Variants in PAPSS2 observed in about 807,000 individuals in gnomAD.
PAPSS2 encodes 3'-phosphoadenosine 5'-phosphosulfate synthase 2, also known as bifunctional 3'-phosphoadenosine 5'-phosphosulfate synthase 2.
PAPSS2 carries 61 observed loss-of-function variants against 66.5 expected under a neutral mutation model. The ratio of observed to expected loss-of-function variants is 0.92; its 90% confidence interval spans 0.75 to 1.14. The LOEUF is 1.14. Among genes scored for constraint, PAPSS2 ranks in the 50% most tolerant of loss-of-function variants. The pLI is 0.00. For synonymous variants in PAPSS2, 289 were observed against 287.5 expected, an observed-to-expected ratio of 1.01 and a Z score of -0.05; for missense variants, 708 against 789.6, an observed-to-expected ratio of 0.90 and a Z score of 1.24.
chr10:87,731,955 T>A (rs1045651263), intron 9 of PAPSS2, among the ~76,000 whole-genome samples: 1 of 152,208 alleles, frequency 6.6e-6, no homozygotes, highest in Non-Finnish European at 1.5e-5. Flanking sequence ...AGTGGCAGCC[T>A]GTGAGAGGAT....
intron 1 of PAPSS2, among the ~76,000 whole-genome samples, chr10:87,695,575 C>CAGCTTACTGTGGGATAAGCAGCCAGCT (rs1853222160): frequency 6.6e-6 from 1 of 152,192 alleles, no homozygotes; most frequent in African/African-American, 2.4e-5. Flanking sequence ...AGCTTACTGC[C>CAGCTTACTGTGGGATAAGCAGCCAGCT]TACTGTGGGA....
intron 1 of PAPSS2, among the ~76,000 whole-genome samples, chr10:87,708,814 A>G (rs1025098910): frequency 2.6e-5 from 4 of 152,232 alleles, no homozygotes; most frequent in Admixed American, 2.6e-4. Context: ...GTAATATGCA[A>G]TTGCATTATA....
chr10:87,717,944 G>A (rs1367606584), intron 7 of PAPSS2, among the ~76,000 whole-genome samples: 3 of 152,138 alleles, frequency 2.0e-5, no homozygotes, highest in African/African-American at 4.8e-5. Flanking sequence ...GATGATTTAG[G>A]CAAAATCTCT....
At chr10:87,723,277 T>C (rs1564724172) in intron 8 of PAPSS2, among the ~76,000 whole-genome samples, 1 of 152,238 alleles carries the variant, frequency 6.6e-6, no homozygotes, top group Non-Finnish European at 1.5e-5. Flanking sequence ...GAAGGGGTTA[T>C]TCTTTGTTAG....
chr10:87,684,400 C>T (rs949196318), intron 1 of PAPSS2, among the ~76,000 whole-genome samples: 7 of 152,224 alleles, frequency 4.6e-5, no homozygotes, highest in African/African-American at 1.7e-4. Flanking sequence ...CTGTCATCCC[C>T]ACAGCTAATG....
intron 9 of PAPSS2, among the ~76,000 whole-genome samples, chr10:87,739,249 A>AT (rs1853838139): frequency 6.6e-6 from 1 of 152,158 alleles, no homozygotes; most frequent in Admixed American, 6.5e-5. Flanking sequence ...TCCCAACATT[A>AT]TTTGTTGAAG....
chr10:87,716,863 T>C (rs3781190), intron 7 of PAPSS2, among the ~76,000 whole-genome samples: 76,311 of 152,030 alleles, frequency 0.5, 20,086 homozygotes, highest in East Asian at 0.71. Flanking sequence ...AAAATAATAA[T>C]GCATATCCCT....
intron 1 of PAPSS2, among the ~76,000 whole-genome samples, chr10:87,690,663 G>A (rs1049923050): frequency 2.0e-5 from 3 of 152,170 alleles, no homozygotes; most frequent in African/African-American, 7.2e-5. Context: ...GAATGTGAAG[G>A]TGGAGTGGTA....
intron 8 of PAPSS2, among the ~76,000 whole-genome samples, 179 bp from the exon 9 acceptor site, chr10:87,727,105 C>T (rs1211264898): frequency 6.6e-6 from 1 of 152,232 alleles, no homozygotes; most frequent in East Asian, 1.9e-4. Context: ...GGAAGCCCTT[C>T]AAGGACTTGT....
chr10:87,695,761 A>C (rs1341009827), intron 1 of PAPSS2, among the ~76,000 whole-genome samples: 1 of 152,196 alleles, frequency 6.6e-6, no homozygotes, highest in Non-Finnish European at 1.5e-5. Context: ...GAGGAAGGAG[A>C]GCAGTAGGTC....
At chr10:87,721,620 G>A (rs992015615) in intron 7 of PAPSS2, 136 bp from the exon 8 acceptor site, 90 of 623,132 alleles carry the variant, frequency 1.4e-4, no homozygotes, top group Non-Finnish European at 2.4e-4. Context: ...TTTAAAAATA[G>A]CATGACAAAG....
intron 1 of PAPSS2, among the ~76,000 whole-genome samples, chr10:87,672,937 C>T (rs143643956): frequency 4.8e-4 from 73 of 152,306 alleles, no homozygotes; most frequent in African/African-American, 1.6e-3. Flanking sequence ...GCTTTCGAAA[C>T]GTACCATGCT....
Position 87,715,004 on chromosome 10 carries a change from TA to T in PAPSS2, c.661del (p.Ile221SerfsTer40), listed in dbSNP as rs786200934. ...LQEQNIVPYTIIKDIHELFVP... is the reference protein window; with the variant it reads ...LQEQNIVPYTXIKDIHELFVP... Reference sequence around the variant, plus strand: ...TTTCAGAACATTGTACCCTATACTATAATCAAAGATATCCACGAACTCTTTG... The same window carrying T: ...TTTCAGAACATTGTACCCTATACTATATCAAAGATATCCACGAACTCTTTG... On this transcript the variant is annotated frameshift_variant, in exon 6 of 13. Transcript: ENST00000456849. LOFTEE classifies it high-confidence loss of function. 1.9e-6 allele frequency: 3 copies of T among 1,610,054 alleles called. No homozygotes were observed. The highest frequency in any genetic ancestry group is 2.6e-6 in the Non-Finnish European group (3 of 1,176,316).
chr10:87,663,120 T>TTC (rs1852773395), intron 1 of PAPSS2, among the ~76,000 whole-genome samples: 1 of 142,778 alleles, frequency 7.0e-6, no homozygotes, highest in Non-Finnish European at 1.5e-5. Flanking sequence ...TTTTTTTTTT[T>TTC]TTTTTTTTTG....
At chr10:87,720,823 T>C (rs1442150545) in intron 7 of PAPSS2, among the ~76,000 whole-genome samples, 1 of 152,256 alleles carries the variant, frequency 6.6e-6, no homozygotes, top group African/African-American at 2.4e-5. Flanking sequence ...TCCATATTAT[T>C]ACTCAAGAAT....
At chr10:87,733,044 G>C (rs1252178667) in intron 9 of PAPSS2, among the ~76,000 whole-genome samples, 1 of 152,168 alleles carries the variant, frequency 6.6e-6, no homozygotes, top group Non-Finnish European at 1.5e-5. Flanking sequence ...TCTTTTTGCT[G>C]TGTCCTTTTT....
chr10:87,714,022 T>G (rs1422161421), intron 3 of PAPSS2, 22 bp from the exon 4 acceptor site: 1 of 1,613,298 alleles, frequency 6.2e-7, no homozygotes, highest in Non-Finnish European at 8.5e-7. Flanking sequence ...CTTTTTACAT[T>G]CTTAATCATA....
chr10:87,680,050 C>G (rs1249428400), intron 1 of PAPSS2, among the ~76,000 whole-genome samples: 1 of 150,124 alleles, frequency 6.7e-6, no homozygotes, highest in Non-Finnish European at 1.5e-5. Context: ...AAAAGTCACT[C>G]TCATCACAGT....
chr10:87,713,044 G>C (rs372592093), intron 2 of PAPSS2, 31 bp from the exon 3 acceptor site: 2 of 1,199,712 alleles, frequency 1.7e-6, no homozygotes, highest in East Asian at 4.7e-5. Flanking sequence ...TATCCAGGCC[G>C]ATGTCAGTCT....
Sources: gnomAD v4.1 joint callset for allele counts (sites outside exome capture counted in the v4.1 genomes callset) on GRCh38, gnomAD v4.1.1 for gene constraint, MANE v1.5 for transcripts, NCBI Gene and HGNC (gene_info 2026-07-23, HGNC 2026-07-21) for gene names.